MAP9: variants seen among roughly 807,000 people sequenced by gnomAD.
MAP9 encodes microtubule-associated protein 9.
Under a neutral mutation model 75.2 loss-of-function variants are expected in MAP9, and 80 were observed. The ratio of observed to expected loss-of-function variants is 1.06; its 90% CI spans 0.89 to 1.28. MAP9 has a LOEUF of 1.28. Among genes scored for constraint, MAP9 ranks in the 50% most tolerant of loss-of-function variants. The probability of loss-of-function intolerance (pLI) is 0.00; values close to 1 mark genes in which losing one functional copy is unlikely to be tolerated. For missense variants in MAP9, 753 were observed against 719.9 expected, an observed-to-expected ratio of 1.05 and a Z score of -0.53; for synonymous variants, 235 against 237.3, an observed-to-expected ratio of 0.99 and a Z score of 0.09.
chr4:155,355,948 T>A, intron 8 of MAP9, 64 bp from the exon 9 acceptor site: 1 of 1,383,140 alleles, frequency 7.2e-7, no homozygotes. Context: ...GAGAGATCTG[T>A]TAGAATATGC....
intron 2 of MAP9, 62 bp downstream of exon 2, chr4:155,375,714 A>T: frequency 9.3e-7 from 1 of 1,070,038 alleles, no homozygotes; most frequent in Non-Finnish European, 1.4e-6. Context: ...TAGAATCACC[A>T]ATTTCAACCC....
rs374016417 is a variant in MAP9 at position 155,368,611 on chromosome 4, G to A, written c.683C>T (p.Ala228Val). The A allele has an allele frequency of 1.2e-6, 2 of 1,613,926 alleles. No homozygotes were observed. The highest frequency in any genetic ancestry group is 2.7e-5 in the African/African-American group (2 of 74,922). Residue 228 changes from alanine (A) to valine (V), a missense_variant, in exon 5 of 14, where the codon GCA becomes GTA. Transcript: ENST00000311277. ...CTCAGGATCAAGGTTTTCAGAGAAT[G>A]CTTTTTTCTCAGCTTCTAATTGTAT... ...NGIQLEAEKKAFSENLDPEDS... is the reference protein window; with the variant it reads ...NGIQLEAEKKVFSENLDPEDS...
At chr4:155,366,144 A>C (rs549394594) in intron 5 of MAP9, among the ~76,000 whole-genome samples, 4 of 152,260 alleles carry the variant, frequency 2.6e-5, no homozygotes, top group African/African-American at 9.6e-5. Context: ...GTGGATCACG[A>C]TGTCAGGAGA....
rs371126994 is a variant in MAP9, at chr4:155,362,161, T to C, written c.709-20A>G. The C allele has an allele frequency of 1.3e-5, 17 of 1,358,158 alleles. No individual in the cohort carries two copies. Among genetic ancestry groups the C allele is most frequent in the Non-Finnish European group, 1.5e-5 (15 of 984,452 alleles). The allele number at this position is 1,358,158 out of a possible 1,614,324, so 84.1% of individuals were successfully genotyped here. On this transcript the variant is annotated intron_variant, in intron 5 of 13. Transcript: ENST00000311277. ...TGAATCCTGTTTTCGCAAAAAAAAA[T>C]ACATTTGCCACATAAGTTTAATAAT...
chr4:155,375,753 G>A, intron 2 of MAP9, 23 bp downstream of exon 2: 1 of 1,484,130 alleles, frequency 6.7e-7, no homozygotes, highest in Non-Finnish European at 9.4e-7. Context: ...ACTGTGAAAT[G>A]ATTCCAAATA....
Position 155,368,585 on chromosome 4 carries a change from C to A in MAP9, c.708+1G>T. 4 of 1,610,520 alleles carry A rather than the reference C, an allele frequency of 2.5e-6. No individual in the cohort carries two copies. Among genetic ancestry groups the A allele is most frequent in the Non-Finnish European group, 3.4e-6 (4 of 1,176,744 alleles). ...TTCAACAGTTTAGTGGTAGTGCTAA[C>A]CTCAGGATCAAGGTTTTCAGAGAAT... On this transcript the variant is annotated splice_donor_variant, in intron 5 of 13. Transcript: ENST00000311277. LOFTEE classifies it high-confidence loss of function.
In MAP9 at chr4:155,344,312, G is replaced by GT. The variant is rs1731208822; in HGVS notation, c.*3470dup. ...CCACAGTTCAAAAGTTAGTGTGAAAGTTTTATCAATATCGAAATTGTGGAA... is the reference window on the plus strand; with the variant it reads ...CCACAGTTCAAAAGTTAGTGTGAAAGTTTTTATCAATATCGAAATTGTGGAA... On this transcript the variant is annotated 3_prime_UTR_variant, in exon 14 of 14. Coordinates refer to ENST00000311277, the MANE Select transcript of MAP9 (RefSeq NM_001039580.2). The GT allele has an allele frequency of 6.6e-6, 1 of 151,884 alleles. No homozygotes were observed. The highest frequency in any genetic ancestry group is 2.4e-5 in the African/African-American group (1 of 41,398). The allele number at this position is 151,884 out of a possible 1,614,324, so 9.4% of individuals were successfully genotyped here.
At chr4:155,365,294 A>G (rs28816169) in intron 5 of MAP9, among the ~76,000 whole-genome samples, 9,511 of 152,172 alleles carry the variant, frequency 0.063, 673 homozygotes, top group African/African-American at 0.17. Flanking sequence ...TACCAGAGGT[A>G]GAGACGTTTC....
intron 6 of MAP9, among the ~76,000 whole-genome samples, chr4:155,360,623 C>T (rs1049697249): frequency 1.3e-5 from 2 of 151,902 alleles, no homozygotes; most frequent in Middle Eastern, 3.2e-3. Context: ...TAATGAAGCA[C>T]TTAACAAATC....
chr4:155,357,647 G>C, intron 7 of MAP9, 128 bp from the exon 8 acceptor site: 2 of 628,678 alleles, frequency 3.2e-6, no homozygotes, highest in Non-Finnish European at 2.8e-6. Context: ...TAGAAATTGG[G>C]AGCAAATCAG....
Position 155,346,509 on chromosome 4 carries a change from C to G in MAP9, c.*1274G>C, listed in dbSNP as rs760573641. 19 of 152,126 alleles carry G rather than the reference C, an allele frequency of 1.2e-4. No homozygotes were observed. The highest frequency in any genetic ancestry group is 2.5e-4 in the Non-Finnish European group (17 of 68,038). The allele number at this position is 152,126 out of a possible 1,614,324, so 9.4% of individuals were successfully genotyped here. A position where few individuals can be genotyped will look rare whatever the true frequency, so the allele number is the denominator to read the frequency against. On this transcript the variant is annotated 3_prime_UTR_variant, in exon 14 of 14. Coordinates refer to ENST00000311277, the MANE Select transcript of MAP9 (RefSeq NM_001039580.2). The stretch of plus-strand genomic sequence containing the variant: ...GATTTCAGAAGGAGGCAGATTCAGT[C>G]AGACGTACTGAATCCCGTTTGATCT...
At chr4:155,361,566 T>TTTACATGTTTAATTCTTACAACAA (rs2111238688) in intron 6 of MAP9, among the ~76,000 whole-genome samples, 1 of 152,154 alleles carries the variant, frequency 6.6e-6, no homozygotes, top group Non-Finnish European at 1.5e-5. Flanking sequence ...TACAACACCC[T>TTTACATGTTTAATTCTTACAACAA]ATAAGGCAAA....
chr4:155,369,007 C>T (rs1282681476), intron 4 of MAP9, among the ~76,000 whole-genome samples, 195 bp from the exon 5 acceptor site: 2 of 152,070 alleles, frequency 1.3e-5, no homozygotes, highest in African/African-American at 4.8e-5. Context: ...AATAATCAGG[C>T]CGGACGCGGT....
chr4:155,371,998 C>G (rs78489818), intron 4 of MAP9, among the ~76,000 whole-genome samples: 2 of 152,142 alleles, frequency 1.3e-5, no homozygotes, highest in Non-Finnish European at 2.9e-5. Context: ...TCAATAAACT[C>G]TCACAATTTT....
At chr4:155,358,850 C>A (rs1399231691) in intron 7 of MAP9, among the ~76,000 whole-genome samples, 3 of 151,830 alleles carry the variant, frequency 2.0e-5, no homozygotes, top group Non-Finnish European at 2.9e-5. Context: ...CAGAGAAACA[C>A]AAATTAAAAC....
rs1057342666 is a variant in MAP9 at position 155,345,613 on chromosome 4, A to G, written c.*2170T>C. On this transcript the variant is annotated 3_prime_UTR_variant, in exon 14 of 14. Transcript: ENST00000311277. ...GGAAATGTAGGGCTCATGGTAATAAATCAATAATGACAACAATGAACATTT... is the reference window on the plus strand; with the variant it reads ...GGAAATGTAGGGCTCATGGTAATAAGTCAATAATGACAACAATGAACATTT... The G allele has an allele frequency of 1.3e-5, 2 of 152,150 alleles. No individual in the cohort carries two copies. The highest frequency in any genetic ancestry group is 2.4e-5 in the African/African-American group (1 of 41,456). The allele number at this position is 152,150 out of a possible 1,614,324, so 9.4% of individuals were successfully genotyped here. A position where few individuals can be genotyped will look rare whatever the true frequency, so the allele number is the denominator to read the frequency against.
At position 155,343,509 on chromosome 4, in the gene MAP9, A is replaced by G. The variant is rs1447404996; in HGVS notation, c.*4274T>C. ...CTCTCTGTAATTTGTGTAGTAAAAC[A>G]TCAGTTTTATATCCAAATTTTTAGT... On this transcript the variant is annotated 3_prime_UTR_variant, in exon 14 of 14. Coordinates refer to ENST00000311277, the MANE Select transcript of MAP9 (RefSeq NM_001039580.2). 1 of 151,648 alleles carries G rather than the reference A, an allele frequency of 6.6e-6. No homozygotes were observed. Among genetic ancestry groups the G allele is most frequent in the East Asian group, 1.9e-4 (1 of 5,190 alleles). The allele number at this position is 151,648 out of a possible 1,614,324, so 9.4% of individuals were successfully genotyped here.
rs1732458927 is a variant in MAP9, at chr4:155,368,899, G to A, written c.482-87C>T. 3.8e-6 allele frequency: 4 copies of A among 1,052,078 alleles called. No homozygotes were observed. The South Asian group carries it at 4.8e-5, about 13-fold the overall frequency. 65.2% of individuals were successfully genotyped at this position (1,052,078 alleles called of 1,614,324 possible). A position where few individuals can be genotyped will look rare whatever the true frequency, so the allele number is the denominator to read the frequency against. On this transcript the variant is annotated intron_variant, in intron 4 of 13. Coordinates refer to ENST00000311277, the MANE Select transcript of MAP9 (RefSeq NM_001039580.2). ...CTGGGTGCTACCATACTTCCCTCCTGTGCCTATGCCCCTTTGTTCTCTGTC... is the reference window on the plus strand; with the variant it reads ...CTGGGTGCTACCATACTTCCCTCCTATGCCTATGCCCCTTTGTTCTCTGTC...
intron 9 of MAP9, 51 bp from the exon 10 acceptor site, chr4:155,355,211 T>C (rs774443331): frequency 5.3e-6 from 3 of 566,026 alleles, no homozygotes; most frequent in Non-Finnish European, 8.6e-6. Context: ...CTTAAGTGAA[T>C]TAGAATTCTT....
Sources: allele counts gnomAD v4.1 joint callset (sites outside exome capture counted in the v4.1 genomes callset), GRCh38; gene constraint gnomAD v4.1.1; transcripts MANE v1.5; gene names NCBI Gene and HGNC (gene_info 2026-07-23, HGNC 2026-07-21).